ZNF536: variants seen among roughly 807,000 people sequenced by gnomAD.
ZNF536 encodes the protein zinc finger protein 536.
Under a neutral mutation model 84.5 loss-of-function variants are expected in ZNF536, and 13 were observed. That is an observed-to-expected ratio of 0.15 (90% CI 0.10 to 0.24). The LOEUF (loss-of-function observed/expected upper bound fraction) is 0.24. Ranked by LOEUF, ZNF536 falls within the 10% of genes least tolerant of loss-of-function variation. ZNF536 has a pLI of 1.00. For synonymous variants in ZNF536, 811 were observed against 742.5 expected, an observed-to-expected ratio of 1.09 and a Z score of -1.50; for missense variants, 1,536 against 1,747.5, an observed-to-expected ratio of 0.88 and a Z score of 2.16.
chr19:30,228,243 G>A (rs1304359410), upstream of ZNF536: 1 of 151,958 alleles, frequency 6.6e-6, no homozygotes, highest in East Asian at 1.9e-4. The surrounding 1 kb of genome is among the most constrained non-coding windows in gnomAD (Gnocchi z 4.5). Flanking sequence ...GAAGGCAGGC[G>A]ACTTAAAGAG....
intron 2 of ZNF536, among the ~76,000 whole-genome samples, chr19:30,318,629 C>T (rs929320298): frequency 6.6e-6 from 1 of 152,224 alleles, no homozygotes; most frequent in African/African-American, 2.4e-5. Flanking sequence ...ACAAGAGGCA[C>T]ATTAGGTGTG....
At chr19:30,481,028 CAAAA>C (rs55924638) in intron 2 of ZNF536, among the ~76,000 whole-genome samples, 3 of 114,140 alleles carry the variant, frequency 2.6e-5, no homozygotes, top group African/African-American at 2.8e-5. Context: ...GACCCTGTCT[CAAAA>C]AAAAAAAAAA....
At chr19:30,697,059 T>A (rs1207811280) in intron 1 of ZNF536, among the ~76,000 whole-genome samples, 1 of 152,126 alleles carries the variant, frequency 6.6e-6, no homozygotes, top group Non-Finnish European at 1.5e-5. Context: ...TCTGCATGGC[T>A]GAGGAGGCCT....
intron 1 of ZNF536, among the ~76,000 whole-genome samples, chr19:30,684,473 AC>A (rs1420461864): frequency 3.9e-5 from 6 of 152,224 alleles, no homozygotes; most frequent in Non-Finnish European, 8.8e-5. Context: ...GCTTCTAAAG[AC>A]AACACGTCAA....
At chr19:30,558,960 C>T (rs2046062344), downstream of ZNF536, among the ~76,000 whole-genome samples, 1 of 152,174 alleles carries the variant, frequency 6.6e-6, no homozygotes, top group South Asian at 2.1e-4. Flanking sequence ...GCTCATTGAA[C>T]AACCCTGGCC....
In ZNF536 at chr19:30,448,250, A is replaced by C. The variant is rs2052443329; in HGVS notation, c.2170+2518A>C. Among the ~76,000 whole-genome samples, 5 of 152,222 alleles carry C rather than the reference A, an allele frequency of 3.3e-5. No individual in the cohort carries two copies. The South Asian group carries it at 1.0e-3, about 32-fold the overall frequency. Reference sequence around the variant, plus strand: ...TGAGGGCATACCAATATACAACCCGAATCAGCTGTGCGTCTGGGGCATTCA... The same window carrying C: ...TGAGGGCATACCAATATACAACCCGCATCAGCTGTGCGTCTGGGGCATTCA... On this transcript the variant is annotated intron_variant, in intron 2 of 4. Transcript: ENST00000355537.
chr19:30,473,316 C>T (rs963497622), intron 2 of ZNF536, among the ~76,000 whole-genome samples: 7 of 152,044 alleles, frequency 4.6e-5, no homozygotes, highest in African/African-American at 1.7e-4. Context: ...TACAGTTCCC[C>T]CTAGAAATTA....
At chr19:30,613,604 A>T (rs905840709) in intron 1 of ZNF536, among the ~76,000 whole-genome samples, 2 of 152,190 alleles carry the variant, frequency 1.3e-5, no homozygotes, top group African/African-American at 4.8e-5. Flanking sequence ...GTATGCCTCC[A>T]TCATTTTTAA....
At chr19:30,383,829 TCC>T (rs2049168511) in intron 1 of ZNF536, among the ~76,000 whole-genome samples, 2 of 121,680 alleles carry the variant, frequency 1.6e-5, no homozygotes, top group African/African-American at 3.8e-5. Context: ...TCTTTCTTTC[TCC>T]TTCTTTCCTT....
rs1041732787 is a variant in ZNF536, at chr19:30,490,225, A to G, written c.2170+44493A>G. On this transcript the variant is annotated intron_variant, in intron 2 of 4. Coordinates refer to ENST00000355537, the MANE Select transcript of ZNF536 (RefSeq NM_014717.3). ...AACAGTTTTGTTGTTGAATAAACAT[A>G]ATCTCTTCGTTCATCTCTTCTTGAT... is the stretch of plus-strand genomic sequence containing the variant. 2.0e-5 allele frequency among the ~76,000 whole-genome samples: 3 copies of G among 152,202 alleles called. No homozygotes were observed. The East Asian group carries it at 5.8e-4, about 29-fold the overall frequency.
intron 1 of ZNF536, among the ~76,000 whole-genome samples, chr19:30,378,902 G>A (rs2048914474): frequency 6.6e-6 from 1 of 152,192 alleles, no homozygotes; most frequent in Non-Finnish European, 1.5e-5. Flanking sequence ...CAGTGCTGGA[G>A]GGACAAAGGT....
At chr19:30,273,585 G>C (rs1253430843) in intron 1 of ZNF536, among the ~76,000 whole-genome samples, 1 of 152,162 alleles carries the variant, frequency 6.6e-6, no homozygotes, top group South Asian at 2.1e-4. Flanking sequence ...AAATTGGGCT[G>C]TTTATTTCTT....
intron 1 of ZNF536, among the ~76,000 whole-genome samples, chr19:30,432,641 C>A (rs75363856): frequency 6.2e-4 from 94 of 152,220 alleles, no homozygotes; most frequent in African/African-American, 2.0e-3. Flanking sequence ...ACGCGGAGCC[C>A]TCATCACCAC....
At chr19:30,488,237 A>G (rs778092923) in intron 2 of ZNF536, among the ~76,000 whole-genome samples, 3 of 152,164 alleles carry the variant, frequency 2.0e-5, no homozygotes, top group Admixed American at 6.5e-5. Context: ...CTCTAATGCT[A>G]GTTAGCAGGC....
chr19:30,447,420 A>G (rs1035696799), intron 2 of ZNF536, among the ~76,000 whole-genome samples: 4 of 152,224 alleles, frequency 2.6e-5, no homozygotes, highest in South Asian at 2.1e-4. Flanking sequence ...TGGTCTGCAC[A>G]TTCCAGAGAT....
chr19:30,531,694 G>A (rs139695573), intron 2 of ZNF536, among the ~76,000 whole-genome samples: 12 of 152,016 alleles, frequency 7.9e-5, no homozygotes, highest in African/African-American at 1.7e-4. Context: ...GCGTGATCCC[G>A]GCTCATTGCA....
At chr19:30,482,231 C>T (rs552645492) in intron 2 of ZNF536, among the ~76,000 whole-genome samples, 2 of 152,264 alleles carry the variant, frequency 1.3e-5, no homozygotes, top group Middle Eastern at 3.4e-3. Flanking sequence ...ATGGTAGATC[C>T]ACTTTCAGTT....
intron 1 of ZNF536, among the ~76,000 whole-genome samples, chr19:30,390,738 G>C (rs760572569): frequency 3.3e-5 from 5 of 152,186 alleles, no homozygotes; most frequent in Non-Finnish European, 7.3e-5. Context: ...AGGCAGCCCC[G>C]TGAGCTTACT....
intron 1 of ZNF536, among the ~76,000 whole-genome samples, chr19:30,608,296 C>T (rs1378976016): frequency 3.3e-5 from 5 of 152,170 alleles, no homozygotes; most frequent in South Asian, 4.1e-4. Flanking sequence ...TCCTTTGTCC[C>T]TATTCACCTC....
Sources: allele counts gnomAD v4.1 joint callset (sites outside exome capture counted in the v4.1 genomes callset), GRCh38; gene constraint gnomAD v4.1.1; non-coding constraint Gnocchi (gnomAD v3.1); transcripts MANE v1.5; gene names NCBI Gene and HGNC (gene_info 2026-07-23, HGNC 2026-07-21).